The following LGR6 variants were observed in gnomAD, a reference collection of about 807,000 sequenced individuals.
LGR6 encodes leucine-rich repeat-containing G protein-coupled receptor 6.
In LGR6, 45 loss-of-function variants were observed where a neutral mutation model predicts 69.4. The observed-to-expected ratio is 0.65, with a 90% CI of 0.51 to 0.83. LGR6 has a LOEUF of 0.83. Among genes scored for constraint, LGR6 ranks in the 40% least tolerant of loss-of-function variants. LGR6 has a pLI of 0.00. For missense variants in LGR6, 1,108 were observed against 1,246.7 expected (o/e 0.89, Z 1.68); for synonymous variants, 538 against 555.0 (o/e 0.97, Z 0.43).
intron 4 of LGR6, among the ~76,000 whole-genome samples, chr1:202,244,940 T>A (rs990216201): frequency 2.6e-5 from 4 of 152,116 alleles, no homozygotes; most frequent in African/African-American, 9.7e-5. Context: ...CCACAGCTGG[T>A]TGGAGAAGGG....
chr1:202,243,542 A>G (rs1000089101), intron 4 of LGR6, among the ~76,000 whole-genome samples: 1 of 152,170 alleles, frequency 6.6e-6, no homozygotes, highest in Non-Finnish European at 1.5e-5. Context: ...GAGGAGTAGC[A>G]ATGCAATTAT....
chr1:202,287,245 G>A (rs1666460498), intron 6 of LGR6, among the ~76,000 whole-genome samples: 1 of 152,108 alleles, frequency 6.6e-6, no homozygotes, highest in Non-Finnish European at 1.5e-5. Context: ...CACCATTATA[G>A]GCACTGGTAA....
intron 4 of LGR6, chr1:202,236,453 G>A (rs1661563585): frequency 5.8e-6 from 1 of 172,580 alleles, no homozygotes; most frequent in African/African-American, 2.4e-5. Flanking sequence ...ACTTGGGGGT[G>A]GGACTGTCCA....
chr1:202,215,907 CAG>C (rs2147925879), intron 1 of LGR6, among the ~76,000 whole-genome samples: 1 of 151,064 alleles, frequency 6.6e-6, no homozygotes, highest in Admixed American at 6.6e-5. Context: ...ACTGAACCTG[CAG>C]AGATCAGAGT....
rs557421071 is a variant in LGR6, at chr1:202,318,157, A to G, written c.1854A>G (p.Leu618=). ...NTLTGISCGL[L]ASVDALTFGQ... ...TGACTGGCATTTCCTGTGGCCTTCTAGCCTCAGTCGATGCCCTGACCTTTG... is the reference window on the plus strand; with the variant it reads ...TGACTGGCATTTCCTGTGGCCTTCTGGCCTCAGTCGATGCCCTGACCTTTG... Residue 618 remains leucine (L), a synonymous_variant, in exon 18 of 18, where the codon CTA becomes CTG. Coordinates refer to ENST00000367278, the MANE Select transcript of LGR6 (RefSeq NM_001017403.2). The G allele has an allele frequency of 5.6e-6, 9 of 1,613,954 alleles. No homozygotes were observed. In the South Asian group the frequency reaches 9.9e-5, roughly 18 times the overall value.
intron 6 of LGR6, chr1:202,281,146 G>A: frequency 2.8e-6 from 1 of 362,250 alleles, no homozygotes. Flanking sequence ...TGAAAATTCT[G>A]GACAGAAATG....
At chr1:202,221,554 A>G (rs1660156705) in intron 1 of LGR6, among the ~76,000 whole-genome samples, 1 of 152,186 alleles carries the variant, frequency 6.6e-6, no homozygotes, top group Non-Finnish European at 1.5e-5. Flanking sequence ...GAGAGGACTC[A>G]TAGCCCTTCT....
At chr1:202,235,875 C>A in intron 3 of LGR6, 47 bp from the exon 4 acceptor site, 1 of 1,564,814 alleles carries the variant, frequency 6.4e-7, no homozygotes, top group Non-Finnish European at 8.8e-7. Flanking sequence ...CTCCAGCCAG[C>A]TCTGCATACC....
rs1659086730 is a variant in LGR6, at chr1:202,205,070, C to T, written c.212+10869C>T. On this transcript the variant is annotated intron_variant, in intron 1 of 17. Transcript: ENST00000367278. Reference sequence around the variant, plus strand: ...CACCTCCAAACACACACACACCTAACACACACCTCCTCCACACACACACAC... The same window carrying T: ...CACCTCCAAACACACACACACCTAATACACACCTCCTCCACACACACACAC... 1.4e-5 allele frequency among the ~76,000 whole-genome samples: 2 copies of T among 144,708 alleles called. 1 individual carries two copies. Among genetic ancestry groups the T allele is most frequent in the Admixed American group, 1.4e-4 (2 of 14,478 alleles). The allele number at this position is 144,708 out of a possible 152,430, so 94.9% of individuals were successfully genotyped here. A position where few individuals can be genotyped will look rare whatever the true frequency, so the allele number is the denominator to read the frequency against.
At chr1:202,315,879 G>T (rs1454087371) in intron 17 of LGR6, among the ~76,000 whole-genome samples, 1 of 152,186 alleles carries the variant, frequency 6.6e-6, no homozygotes, top group African/African-American at 2.4e-5. Context: ...CATTCACAAT[G>T]CCATGGAAAT....
At chr1:202,290,684 C>T (rs988311881) in intron 6 of LGR6, among the ~76,000 whole-genome samples, 1 of 152,114 alleles carries the variant, frequency 6.6e-6, no homozygotes, top group Admixed American at 6.5e-5. Flanking sequence ...ACCAGCCTGA[C>T]CAACATGGAG....
chr1:202,280,993 C>T (rs1038879012), intron 6 of LGR6, 141 bp downstream of exon 6: 1 of 647,002 alleles, frequency 1.5e-6, no homozygotes, highest in Non-Finnish European at 2.7e-6. Flanking sequence ...ACCCACATGC[C>T]CCTCCCTGGC....
intron 4 of LGR6, among the ~76,000 whole-genome samples, chr1:202,271,723 G>A (rs1169602124): frequency 6.7e-6 from 1 of 149,834 alleles, no homozygotes; most frequent in African/African-American, 2.5e-5. Context: ...GAGAAGAATC[G>A]CTTGAACCCG....
chr1:202,267,928 G>A (rs955758535), intron 4 of LGR6, among the ~76,000 whole-genome samples: 17 of 152,172 alleles, frequency 1.1e-4, no homozygotes, highest in Admixed American at 1.3e-4. Context: ...GGCATTTCAG[G>A]CAGTCTGATA....
At chr1:202,240,183 G>A (rs1662058502) in intron 4 of LGR6, among the ~76,000 whole-genome samples, 1 of 152,116 alleles carries the variant, frequency 6.6e-6, no homozygotes, top group African/African-American at 2.4e-5. Flanking sequence ...GACCAGCCTG[G>A]CAAACATGGC....
intron 1 of LGR6, chr1:202,194,699 T>TGGGG: frequency 1.1e-5 from 1 of 94,696 alleles, no homozygotes; most frequent in Non-Finnish European, 2.0e-5. Context: ...GTGGCCTTCG[T>TGGGG]GGGGGCGGGG....
At chr1:202,304,468 A>G (rs779572516) in intron 10 of LGR6, 91 bp from the exon 11 acceptor site, 34 of 873,074 alleles carry the variant, frequency 3.9e-5, no homozygotes, top group Non-Finnish European at 5.8e-5. Context: ...CCGTCATCCC[A>G]CGACAGTATC....
chr1:202,211,523 G>A (rs149491786), intron 1 of LGR6, among the ~76,000 whole-genome samples: 5,688 of 152,108 alleles, frequency 0.037, 141 homozygotes, highest in Non-Finnish European at 0.057. Flanking sequence ...CACCACACCC[G>A]GCTAATTTTT....
At chr1:202,272,807 A>G (rs1665213997) in intron 4 of LGR6, among the ~76,000 whole-genome samples, 1 of 152,240 alleles carries the variant, frequency 6.6e-6, no homozygotes, top group Non-Finnish European at 1.5e-5. Context: ...AGCAAAGGCC[A>G]CTTCCAAGTG....
Sources: allele counts gnomAD v4.1 joint callset (sites outside exome capture counted in the v4.1 genomes callset), GRCh38; gene constraint gnomAD v4.1.1; transcripts MANE v1.5; gene names NCBI Gene and HGNC (gene_info 2026-07-23, HGNC 2026-07-21).